The following HECA variants were observed in gnomAD, a reference collection of about 807,000 sequenced individuals.
HECA encodes HECA ribonucleoprotein granule regulator.
A neutral mutation model predicts 37.6 loss-of-function variants in HECA; 13 were observed. The observed-to-expected ratio is 0.35, with a 90% CI of 0.23 to 0.55. HECA has a LOEUF of 0.55. Among genes scored for constraint, HECA ranks in the 20% least tolerant of loss-of-function variants. The pLI, the probability that HECA is intolerant of heterozygous loss-of-function variation, is 0.90. For synonymous variants in HECA, 307 were observed against 291.5 expected, an observed-to-expected ratio of 1.05 and a Z score of -0.54; for missense variants, 527 against 701.9, an observed-to-expected ratio of 0.75 and a Z score of 2.82.
chr6:139,151,004 C>A (rs1456133553), intron 1 of HECA: 1 of 152,116 alleles, frequency 6.6e-6, no homozygotes, highest in Non-Finnish European at 1.5e-5. Context: ...TTCATTTTTA[C>A]TGAGGTATGG....
At position 139,146,058 on chromosome 6, in the gene HECA, TC is replaced by T. The variant is rs1774580410; in HGVS notation, c.271+10395del. ...ATATTGCCACTCAAATCATATTACC[TC>T]CCCTCCCCTACCAAGAACAATTACA... is the stretch of plus-strand genomic sequence containing the variant. On this transcript the variant is annotated intron_variant, in intron 1 of 3. Coordinates refer to ENST00000367658, the MANE Select transcript of HECA (RefSeq NM_016217.3). Among the ~76,000 whole-genome samples the T allele has an allele frequency of 2.0e-5, 3 of 152,108 alleles. No homozygotes were observed. In the South Asian group the frequency reaches 6.2e-4, roughly 32 times the overall value.
chr6:139,149,863 A>G (rs903430046), intron 1 of HECA, among the ~76,000 whole-genome samples: 5 of 152,046 alleles, frequency 3.3e-5, no homozygotes, highest in African/African-American at 1.2e-4. Flanking sequence ...TGACTTTGGG[A>G]TTCTTTTGTT....
rs1289847293 is a variant in HECA at position 139,137,317 on chromosome 6, G to GA, written c.271+1658dup. On this transcript the variant is annotated intron_variant, in intron 1 of 3. Coordinates refer to ENST00000367658, the MANE Select transcript of HECA (RefSeq NM_016217.3). ...CCTCAATTTCCTCATGTGTAAACTT[G>GA]AAAAAAAATTACCCTGGCTCCCTCC... Among the ~76,000 whole-genome samples, 8 of 151,792 alleles carry GA rather than the reference G, an allele frequency of 5.3e-5. No homozygotes were observed. The East Asian group carries it at 7.7e-4, about 15-fold the overall frequency.
intron 1 of HECA, among the ~76,000 whole-genome samples, chr6:139,145,768 CT>C (rs1774577551): frequency 6.6e-6 from 1 of 152,066 alleles, no homozygotes; most frequent in Non-Finnish European, 1.5e-5. Context: ...AAACAAAGGA[CT>C]TTTTGGAAAG....
Position 139,167,121 on chromosome 6 carries a change from A to G in HECA, c.1109A>G (p.Asp370Gly). Residue 370 changes from aspartate (D) to glycine (G), a missense_variant, in exon 2 of 4, where the codon GAC becomes GGC. This residue lies in a region of HECA where 228 missense variants were observed against 259.8 expected (regional missense o/e 0.88). Transcript: ENST00000367658. ...KLNTFHVRME[D>G]DAQVGQGEDL... The stretch of plus-strand genomic sequence containing the variant: ...AACACTTTCCACGTGCGCATGGAAG[A>G]CGATGCCCAAGTGGGCCAGGGGGAA... The G allele has an allele frequency of 6.2e-7, 1 of 1,614,180 alleles. No individual in the cohort carries two copies. The highest frequency in any genetic ancestry group is 8.5e-7 in the Non-Finnish European group (1 of 1,180,040).
chr6:139,151,286 C>T (rs1774647174), intron 1 of HECA: 1 of 152,082 alleles, frequency 6.6e-6, no homozygotes, highest in Non-Finnish European at 1.5e-5. Flanking sequence ...CTGTGGAAAA[C>T]AAAAGAGTGT....
At chr6:139,164,080 A>ACACACACACTCT (rs1554218212) in intron 1 of HECA, among the ~76,000 whole-genome samples, 1 of 148,068 alleles carries the variant, frequency 6.8e-6, no homozygotes, top group Non-Finnish European at 1.5e-5. Context: ...ACACACACAC[A>ACACACACACTCT]CTCTCTCTCT....
intron 1 of HECA, among the ~76,000 whole-genome samples, chr6:139,163,241 C>T (rs1315167828): frequency 6.6e-6 from 1 of 152,152 alleles, no homozygotes; most frequent in African/African-American, 2.4e-5. Flanking sequence ...AGCTGCTAGA[C>T]ATCTTACAGG....
chr6:139,144,003 A>G (rs1403365176), intron 1 of HECA, among the ~76,000 whole-genome samples: 1 of 152,196 alleles, frequency 6.6e-6, no homozygotes, highest in Non-Finnish European at 1.5e-5. Flanking sequence ...GAGAAGTCAA[A>G]TGAGTATGTG....
intron 1 of HECA, among the ~76,000 whole-genome samples, chr6:139,162,668 G>A (rs1774822225): frequency 6.6e-6 from 1 of 152,222 alleles, no homozygotes; most frequent in Non-Finnish European, 1.5e-5. Flanking sequence ...CACACCTGAA[G>A]GGGATAATTG....
At chr6:139,165,392 C>G (rs988995425) in intron 1 of HECA, among the ~76,000 whole-genome samples, 3 of 152,156 alleles carry the variant, frequency 2.0e-5, no homozygotes, top group African/African-American at 4.8e-5. Context: ...AATTGATGAA[C>G]CTACATTTAC....
intron 1 of HECA, among the ~76,000 whole-genome samples, chr6:139,142,044 A>G (rs1774520895): frequency 6.7e-6 from 1 of 148,938 alleles, no homozygotes; most frequent in South Asian, 2.1e-4. Context: ...CTCCTGCCTC[A>G]GCCTCCCGAG....
chr6:139,156,080 TACTA>T (rs1774708345), intron 1 of HECA, among the ~76,000 whole-genome samples: 1 of 152,116 alleles, frequency 6.6e-6, no homozygotes, highest in Non-Finnish European at 1.5e-5. Context: ...TATAAACAAA[TACTA>T]ACTTGTGGCA....
At chr6:139,167,457 T>G (rs950676209) in intron 2 of HECA, 133 bp downstream of exon 2, 6 of 753,496 alleles carry the variant, frequency 8.0e-6, no homozygotes, top group Non-Finnish European at 1.3e-5. Context: ...AGGTAACATT[T>G]GAATATTTCA....
chr6:139,172,110 C>T (rs1377176376), intron 2 of HECA, among the ~76,000 whole-genome samples: 1 of 152,106 alleles, frequency 6.6e-6, no homozygotes, highest in African/African-American at 2.4e-5. Context: ...GGATTATAGG[C>T]GTGAGCCACT....
At chr6:139,175,870 C>T (rs962092214) in intron 3 of HECA, among the ~76,000 whole-genome samples, 3 of 152,184 alleles carry the variant, frequency 2.0e-5, no homozygotes, top group African/African-American at 7.2e-5. Context: ...TTCCTTAAAA[C>T]AATTGAAGCC....
chr6:139,135,409 A>C lies in HECA; in HGVS notation c.13A>C (p.Lys5Gln), dbSNP rs758858753. MPNP[K>Q]NSKGGRKNKR... ...GCGAGCGAGCGAGATGCCCAACCCC[A>C]AAAACAGCAAAGGCGGCCGCAAAAA... Residue 5 changes from lysine (K) to glutamine (Q), a missense_variant, in exon 1 of 4, where the codon AAA (lysine) becomes CAA (glutamine). Coordinates refer to ENST00000367658, the MANE Select transcript of HECA (RefSeq NM_016217.3). 1.6e-5 allele frequency: 22 copies of C among 1,373,742 alleles called. No homozygotes were observed. The highest frequency in any genetic ancestry group is 7.5e-5 in the East Asian group (2 of 26,508). The allele number at this position is 1,373,742 out of a possible 1,614,324, so 85.1% of individuals were successfully genotyped here. A position where few individuals can be genotyped will look rare whatever the true frequency, so the allele number is the denominator to read the frequency against.
chr6:139,160,649 A>G (rs1195793741), intron 1 of HECA, among the ~76,000 whole-genome samples: 1 of 152,174 alleles, frequency 6.6e-6, no homozygotes, highest in African/African-American at 2.4e-5. Context: ...TCCTGGCCGC[A>G]AGTGATTCTC....
At chr6:139,162,015 C>T (rs1019438839) in intron 1 of HECA, among the ~76,000 whole-genome samples, 4 of 152,216 alleles carry the variant, frequency 2.6e-5, no homozygotes, top group Non-Finnish European at 2.9e-5. Flanking sequence ...ACTTCTGCTC[C>T]TCTTGTCATG....
Sources: allele counts gnomAD v4.1 joint callset (sites outside exome capture counted in the v4.1 genomes callset), GRCh38; gene constraint gnomAD v4.1.1; regional missense constraint gnomAD v4.1.1; transcripts MANE v1.5; gene names NCBI Gene and HGNC (gene_info 2026-07-23, HGNC 2026-07-21).